LINGO2: variants seen among roughly 807,000 people sequenced by gnomAD.
The protein encoded by LINGO2 is leucine rich repeat and Ig domain containing 2, also known as leucine-rich repeat and immunoglobulin-like domain-containing nogo receptor-interacting protein 2.
LINGO2 carries 14 observed loss-of-function variants against 30.6 expected under a neutral mutation model. The ratio of observed to expected loss-of-function variants is 0.46; its 90% confidence interval spans 0.30 to 0.72. LINGO2 has a LOEUF of 0.72. Among genes scored for constraint, LINGO2 ranks in the 30% least tolerant of loss-of-function variants. LINGO2 has a pLI of 0.07. For synonymous variants in LINGO2, 317 were observed against 288.5 expected (o/e 1.10, Z -1.00); for missense variants, 729 against 751.7 (o/e 0.97, Z 0.35).
chr9:27,989,687 C>A (rs1337500661), intron 5 of LINGO2, among the ~76,000 whole-genome samples: 1 of 151,966 alleles, frequency 6.6e-6, no homozygotes, highest in Non-Finnish European at 1.5e-5. Flanking sequence ...ACACAGATAA[C>A]TATGAGTTAA....
At chr9:29,040,761 C>A in the LINGO2 span, among the ~76,000 whole-genome samples, 14 of 151,726 alleles carry the variant, frequency 9.2e-5, no homozygotes, top group African/African-American at 3.4e-4. Context: ...AAACCAAAGT[C>A]CTAAAATATT....
chr9:28,875,253 T>C, the LINGO2 span, among the ~76,000 whole-genome samples: 2 of 152,088 alleles, frequency 1.3e-5, no homozygotes, highest in East Asian at 1.9e-4. Context: ...ACAACACTAA[T>C]ATTTTGCCAC....
chr9:28,798,291 G>C, the LINGO2 span, among the ~76,000 whole-genome samples: 1 of 151,778 alleles, frequency 6.6e-6, no homozygotes, highest in Admixed American at 6.6e-5. Flanking sequence ...AAAAACTGAT[G>C]ATGCAAGATA....
chr9:29,011,055 T>A, the LINGO2 span, among the ~76,000 whole-genome samples: 3 of 152,172 alleles, frequency 2.0e-5, no homozygotes, highest in East Asian at 5.8e-4. Context: ...TTTATCCTCA[T>A]AGTGCTCACA....
At chr9:28,946,729 C>T in the LINGO2 span, among the ~76,000 whole-genome samples, 2 of 152,048 alleles carry the variant, frequency 1.3e-5, no homozygotes, top group Non-Finnish European at 2.9e-5. Flanking sequence ...AAAATGTAAT[C>T]TTCAGCAATA....
At chr9:28,789,983 C>T in the LINGO2 span, among the ~76,000 whole-genome samples, 3 of 152,094 alleles carry the variant, frequency 2.0e-5, no homozygotes, top group Non-Finnish European at 4.4e-5. Context: ...ACAGTAGTCC[C>T]CCCTTGCCCA....
chr9:28,789,301 T>C, the LINGO2 span, among the ~76,000 whole-genome samples: 2 of 152,190 alleles, frequency 1.3e-5, no homozygotes, highest in Admixed American at 6.5e-5. Flanking sequence ...GTTTGATAAA[T>C]AAATAAAAGC....
chr9:28,373,025 T>G (rs1374681184), intron 2 of LINGO2, among the ~76,000 whole-genome samples, 157 bp from the exon 5 acceptor site: 1 of 149,268 alleles, frequency 6.7e-6, no homozygotes, highest in African/African-American at 2.5e-5. Flanking sequence ...GAAAAAAAAC[T>G]GATAAAACTC....
the LINGO2 span, among the ~76,000 whole-genome samples, chr9:28,793,309 T>G: frequency 6.6e-6 from 1 of 152,224 alleles, no homozygotes; most frequent in Non-Finnish European, 1.5e-5. Flanking sequence ...TATGGGATGA[T>G]TAAAGATCTA....
chr9:29,015,937 G>A, the LINGO2 span, among the ~76,000 whole-genome samples: 2 of 151,972 alleles, frequency 1.3e-5, no homozygotes, highest in African/African-American at 4.8e-5. Flanking sequence ...CTCAAGCATG[G>A]CCATCATATT....
At chr9:28,570,920 C>T (rs1429966667) in intron 1 of LINGO2, among the ~76,000 whole-genome samples, 1 of 151,508 alleles carries the variant, frequency 6.6e-6, no homozygotes, top group East Asian at 1.9e-4. Flanking sequence ...AACATCCACA[C>T]TTTTAAATTG....
intron 3 of LINGO2, among the ~76,000 whole-genome samples, chr9:28,295,924 G>T (rs1013839009): frequency 2.0e-5 from 3 of 152,146 alleles, no homozygotes; most frequent in Admixed American, 2.0e-4. Flanking sequence ...CATATGTAAG[G>T]TGTTGCAAAT....
the LINGO2 span, among the ~76,000 whole-genome samples, chr9:29,002,535 T>C: frequency 6.6e-5 from 10 of 152,036 alleles, no homozygotes; most frequent in Non-Finnish European, 1.5e-4. Flanking sequence ...CTGCATAAAG[T>C]AGCCAAAGCT....
At chr9:28,058,911 T>A (rs982529344) in intron 4 of LINGO2, among the ~76,000 whole-genome samples, 4 of 152,190 alleles carry the variant, frequency 2.6e-5, no homozygotes, top group Non-Finnish European at 2.9e-5. Context: ...TGTACATGCA[T>A]GCAATTTATA....
At chr9:28,771,498 TGTGTGTGTGA>T in the LINGO2 span, among the ~76,000 whole-genome samples, 8,078 of 76,968 alleles carry the variant, frequency 0.1, 288 homozygotes, top group Middle Eastern at 0.2. Flanking sequence ...TGTGTGTGTG[TGTGTGTGTGA>T]GAGAGAGAGA....
intron 5 of LINGO2, among the ~76,000 whole-genome samples, chr9:28,007,981 G>A (rs570475687): frequency 9.9e-5 from 15 of 152,232 alleles, no homozygotes; most frequent in African/African-American, 2.2e-4. Flanking sequence ...GGCATCTTCC[G>A]CCGAGCTTAG....
At chr9:28,634,592 T>C (rs1827168230) in intron 1 of LINGO2, among the ~76,000 whole-genome samples, 1 of 151,416 alleles carries the variant, frequency 6.6e-6, no homozygotes. Flanking sequence ...TTCAAGCAAT[T>C]CTCGTGCCTC....
At chr9:28,513,046 T>C (rs1234957948) in intron 1 of LINGO2, among the ~76,000 whole-genome samples, 6 of 150,892 alleles carry the variant, frequency 4.0e-5, no homozygotes, top group Admixed American at 3.3e-4. Context: ...CTTTGTAACT[T>C]TGAATCCAAT....
At chr9:28,027,467 A>AT (rs138931002) in intron 4 of LINGO2, among the ~76,000 whole-genome samples, 1 of 152,132 alleles carries the variant, frequency 6.6e-6, no homozygotes, top group Non-Finnish European at 1.5e-5. Context: ...TCACAAAAAA[A>AT]TTATTCAGCA....
Sources: gnomAD v4.1 joint callset for allele counts (sites outside exome capture counted in the v4.1 genomes callset) on GRCh38, gnomAD v4.1.1 for gene constraint, MANE v1.5 for transcripts, NCBI Gene and HGNC (gene_info 2026-07-23, HGNC 2026-07-21) for gene names.